The following CLEC16A variants were observed in gnomAD, a reference collection of about 807,000 sequenced individuals.
CLEC16A encodes protein CLEC16A.
Under a neutral mutation model 109.5 loss-of-function variants are expected in CLEC16A, and 51 were observed. That is an observed-to-expected ratio of 0.47 (90% CI 0.37 to 0.59). The LOEUF (loss-of-function observed/expected upper bound fraction) is 0.59. Ranked by LOEUF, CLEC16A falls within the 20% of genes least tolerant of loss-of-function variation. CLEC16A has a pLI of 0.00. For synonymous variants in CLEC16A, 673 were observed against 564.2 expected (o/e 1.19, Z -2.73); for missense variants, 1,339 against 1,394.0 (o/e 0.96, Z 0.63).
intron 15 of CLEC16A, among the ~76,000 whole-genome samples, chr16:11,042,923 A>G (rs1211494445): frequency 6.7e-6 from 1 of 149,980 alleles, no homozygotes; most frequent in Non-Finnish European, 1.5e-5. Flanking sequence ...ATAAAGAAGT[A>G]TATTTACATA....
chr16:11,036,544 C>CTT (rs71404440), intron 13 of CLEC16A, among the ~76,000 whole-genome samples: 7,214 of 130,236 alleles, frequency 0.055, 311 homozygotes, highest in African/African-American at 0.079. Flanking sequence ...TCTAATTTTC[C>CTT]TTTTTTTTTT....
intron 8 of CLEC16A, 81 bp from the exon 9 acceptor site, chr16:10,979,245 CAGA>C: frequency 7.7e-7 from 1 of 1,299,616 alleles, no homozygotes; most frequent in Non-Finnish European, 1.1e-6. Flanking sequence ...TTTGTTCACA[CAGA>C]AGGCTTTTGG....
At position 11,042,317 on chromosome 16, in the gene CLEC16A, T is replaced by A; in HGVS notation, c.1724T>A (p.Met575Lys). The change falls in exon 15 of 24, where the codon ATG becomes AAG. Residue 575 changes from methionine to lysine, a missense_variant. Around this residue, in one of 3 missense-constraint regions of CLEC16A, gnomAD observed 1,061 missense variants for 1,006.8 expected, o/e 1.05. Coordinates refer to ENST00000409790, the MANE Select transcript of CLEC16A (RefSeq NM_015226.3). ...SCLLLKQQVL[M>K]SAGCIMKDVH... ...CTGCTTCTGAAGCAGCAAGTCCTGATGAGTGCTGGCTGCATCATGAAGGAC... is the reference window on the plus strand; with the variant it reads ...CTGCTTCTGAAGCAGCAAGTCCTGAAGAGTGCTGGCTGCATCATGAAGGAC... The A allele has an allele frequency of 6.3e-6, 10 of 1,594,376 alleles. No homozygotes were observed. The highest frequency in any genetic ancestry group is 8.5e-6 in the Non-Finnish European group (10 of 1,170,850).
At chr16:10,997,233 A>AT (rs1361474637) in intron 10 of CLEC16A, among the ~76,000 whole-genome samples, 21 of 152,352 alleles carry the variant, frequency 1.4e-4, no homozygotes, top group African/African-American at 4.3e-4. Context: ...AGATCTTGGG[A>AT]TTACAGGCAT....
chr16:11,098,504 A>T (rs189866793), intron 19 of CLEC16A, among the ~76,000 whole-genome samples: 1 of 152,314 alleles, frequency 6.6e-6, no homozygotes, highest in Admixed American at 6.5e-5. Flanking sequence ...TGGCTTCCTA[A>T]GAGCTGAGCG....
chr16:10,954,860 G>A lies in CLEC16A; in HGVS notation c.81-2922G>A, dbSNP rs1354772327. ...AGCCTGATCTCTTTTCTACCTTCCTGGAATATTCCTTAGATAATGTAGTAA... is the reference window on the plus strand; with the variant it reads ...AGCCTGATCTCTTTTCTACCTTCCTAGAATATTCCTTAGATAATGTAGTAA... On this transcript the variant is annotated intron_variant, in intron 1 of 23. Transcript: ENST00000409790. This position sits in a 1 kb window ranked among gnomAD's most constrained non-coding sequence, Gnocchi z 4.2. 6.6e-6 allele frequency among the ~76,000 whole-genome samples: 1 copy of A among 152,126 alleles called. No homozygotes were observed. Among genetic ancestry groups the A allele is most frequent in the Non-Finnish European group, 1.5e-5 (1 of 68,030 alleles).
chr16:11,026,959 AGC>A, intron 13 of CLEC16A: 1 of 1,327,726 alleles, frequency 7.5e-7, no homozygotes, highest in Non-Finnish European at 1.1e-6. Flanking sequence ...TCAAGTAAAC[AGC>A]GCGCGTGCTG....
chr16:11,123,469 C>A (rs1173647870), intron 20 of CLEC16A, among the ~76,000 whole-genome samples: 1 of 152,084 alleles, frequency 6.6e-6, no homozygotes, highest in African/African-American at 2.4e-5. Flanking sequence ...ATGAGCTGAC[C>A]CCAGTCCTCA....
intron 1 of CLEC16A, among the ~76,000 whole-genome samples, chr16:10,955,588 C>T (rs1390142749): frequency 1.3e-5 from 2 of 152,150 alleles, no homozygotes; most frequent in East Asian, 3.8e-4. Flanking sequence ...GCATTCTAAG[C>T]AGAAAGCCCC....
At chr16:11,143,370 A>G (rs1281573211) in intron 22 of CLEC16A, among the ~76,000 whole-genome samples, 1 of 152,202 alleles carries the variant, frequency 6.6e-6, no homozygotes, top group Non-Finnish European at 1.5e-5. Flanking sequence ...AGGCTGAAGA[A>G]GAGACCTGGT....
intron 22 of CLEC16A, among the ~76,000 whole-genome samples, chr16:11,152,478 C>T (rs1457711055): frequency 2.0e-5 from 3 of 152,156 alleles, no homozygotes; most frequent in African/African-American, 4.8e-5. Context: ...TGACGGGGGG[C>T]CCAAGCTCTG....
chr16:11,166,171 A>G (rs2068252376), intron 22 of CLEC16A, among the ~76,000 whole-genome samples: 1 of 152,164 alleles, frequency 6.6e-6, no homozygotes, highest in Non-Finnish European at 1.5e-5. Flanking sequence ...GGCTGGTTGT[A>G]CTCTGTTCCT....
rs193163453 is a variant in CLEC16A at position 11,016,084 on chromosome 16, A to G, written c.1304-4109A>G. ...ATGTGTAAAAATTTATGTATTATAA[A>G]TTATATATAATATGATCATGCTAGT... On this transcript the variant is annotated intron_variant, in intron 11 of 23. Transcript: ENST00000409790. Among the ~76,000 whole-genome samples, 217 of 152,336 alleles carry G rather than the reference A, an allele frequency of 1.4e-3. 1 individual carries two copies. Among genetic ancestry groups the G allele is most frequent in the Middle Eastern group, 6.8e-3 (2 of 294 alleles).
At chr16:11,125,186 C>T (rs1259140598) in intron 21 of CLEC16A, among the ~76,000 whole-genome samples, 2 of 152,200 alleles carry the variant, frequency 1.3e-5, no homozygotes, top group East Asian at 3.8e-4. Flanking sequence ...TCGTCCCCGT[C>T]TCATTTCTCA....
At chr16:10,946,974 A>G (rs1281174157) in intron 1 of CLEC16A, among the ~76,000 whole-genome samples, 1 of 152,218 alleles carries the variant, frequency 6.6e-6, no homozygotes, top group Non-Finnish European at 1.5e-5. Context: ...GTTTGAGAAC[A>G]CTTTTGACTT....
intron 19 of CLEC16A, among the ~76,000 whole-genome samples, chr16:11,070,164 G>A (rs530547054): frequency 3.1e-3 from 464 of 151,616 alleles, no homozygotes; most frequent in South Asian, 5.8e-3. Context: ...TCCGCCTCCC[G>A]GGTTCACACC....
intron 18 of CLEC16A, among the ~76,000 whole-genome samples, chr16:11,056,271 C>T (rs577719736): frequency 1.3e-5 from 2 of 152,324 alleles, no homozygotes; most frequent in East Asian, 1.9e-4. Context: ...CTCCCGGAAC[C>T]TCAGGTCCCT....
intron 11 of CLEC16A, among the ~76,000 whole-genome samples, chr16:11,015,474 G>A (rs1400175704): frequency 1.3e-5 from 2 of 152,158 alleles, no homozygotes; most frequent in African/African-American, 4.8e-5. Flanking sequence ...AGTTTTGTGT[G>A]AAGCCGTAGA....
At chr16:10,998,148 A>AAAAGCAAGGACCAAAGCCTC (rs1431674768) in intron 10 of CLEC16A, among the ~76,000 whole-genome samples, 9 of 152,222 alleles carry the variant, frequency 5.9e-5, no homozygotes, top group African/African-American at 2.2e-4. Context: ...TGACTTTTGA[A>AAAAGCAAGGACCAAAGCCTC]AAAGCAAGGA....
Sources: allele counts gnomAD v4.1 joint callset (sites outside exome capture counted in the v4.1 genomes callset), GRCh38; gene constraint gnomAD v4.1.1; regional missense constraint gnomAD v4.1.1; non-coding constraint Gnocchi (gnomAD v3.1); transcripts MANE v1.5; gene names NCBI Gene and HGNC (gene_info 2026-07-23, HGNC 2026-07-21).